Variants in DLGAP2 observed in about 807,000 individuals in gnomAD.
The protein encoded by DLGAP2 is disks large-associated protein 2.
A neutral mutation model predicts 100.3 loss-of-function variants in DLGAP2; 26 were observed. That is an observed-to-expected ratio of 0.26 (90% CI 0.19 to 0.36). The LOEUF is 0.36. Among genes scored for constraint, DLGAP2 ranks in the 10% least tolerant of loss-of-function variants. DLGAP2 has a pLI of 1.00. For missense variants in DLGAP2, 1,858 were observed against 1,453.2 expected, an observed-to-expected ratio of 1.28 and a Z score of -4.53; for synonymous variants, 886 against 630.1, an observed-to-expected ratio of 1.41 and a Z score of -6.08.
intron 11 of DLGAP2, among the ~76,000 whole-genome samples, chr8:1,677,293 C>T (rs1207555841): frequency 1.3e-5 from 2 of 152,172 alleles, no homozygotes; most frequent in African/African-American, 2.4e-5. Context: ...CTTATGGCTT[C>T]CCCAGTTTCC....
rs1489532449 is a variant in DLGAP2, at chr8:854,857, A to C, written c.19-53055A>C. Among the ~76,000 whole-genome samples the C allele has an allele frequency of 2.0e-5, 3 of 152,234 alleles. 1 individual carries two copies. In the South Asian group the frequency reaches 6.2e-4, roughly 31 times the overall value. On this transcript the variant is annotated intron_variant, in intron 1 of 14. Coordinates refer to ENST00000637795, the MANE Select transcript of DLGAP2 (RefSeq NM_001346810.2). ...ATGAAGCTCTGGAGAAAAGCTTCCC[A>C]CATGGGAAATGCTCCCACAGGTATC...
intron 2 of DLGAP2, among the ~76,000 whole-genome samples, chr8:1,200,851 C>T (rs931572241): frequency 1.3e-5 from 2 of 152,246 alleles, no homozygotes; most frequent in South Asian, 4.1e-4. Flanking sequence ...TCCCACATAT[C>T]GGTTTGGCAT....
intron 2 of DLGAP2, among the ~76,000 whole-genome samples, chr8:974,032 A>G (rs1249892168): frequency 6.6e-6 from 1 of 152,144 alleles, no homozygotes; most frequent in Admixed American, 6.5e-5. Context: ...GGAGAAATAC[A>G]AAAGAAGTAA....
chr8:897,933 C>T (rs1453518229), intron 1 of DLGAP2, among the ~76,000 whole-genome samples: 1 of 152,164 alleles, frequency 6.6e-6, no homozygotes, highest in Non-Finnish European at 1.5e-5. Flanking sequence ...GCTGTGTTCC[C>T]TCCGTTGCTG....
chr8:1,583,244 C>T (rs184000154), intron 6 of DLGAP2, among the ~76,000 whole-genome samples: 1 of 152,214 alleles, frequency 6.6e-6, no homozygotes, highest in African/African-American at 2.4e-5. Context: ...TTCTCCCTCC[C>T]ATCTGCCATG....
At chr8:1,185,934 C>A (rs929066609) in intron 2 of DLGAP2, among the ~76,000 whole-genome samples, 1 of 152,144 alleles carries the variant, frequency 6.6e-6, no homozygotes, top group African/African-American at 2.4e-5. Flanking sequence ...CTTCTCGCCT[C>A]GGAGTTCCAT....
chr8:1,566,002 T>A, intron 6 of DLGAP2, 108 bp downstream of exon 6: 1 of 953,416 alleles, frequency 1.0e-6, no homozygotes, highest in Non-Finnish European at 1.5e-6. Context: ...TTAAACTAAA[T>A]TGCCAAGCTG....
intron 2 of DLGAP2, among the ~76,000 whole-genome samples, chr8:1,187,493 C>T (rs776978229): frequency 2.9e-5 from 4 of 136,934 alleles, no homozygotes; most frequent in Admixed American, 7.0e-5. Flanking sequence ...GAATCTCACA[C>T]ACCCGGGACC....
At chr8:1,669,709 G>T in intron 9 of DLGAP2, 34 bp from the exon 10 acceptor site, 1 of 780,886 alleles carries the variant, frequency 1.3e-6, no homozygotes, top group Non-Finnish European at 2.4e-6. Context: ...CTCCGAACCA[G>T]GTCTCCACAC....
At chr8:1,614,090 G>T (rs1262301934) in intron 6 of DLGAP2, among the ~76,000 whole-genome samples, 1 of 152,194 alleles carries the variant, frequency 6.6e-6, no homozygotes, top group East Asian at 1.9e-4. Context: ...TTCACTGCAA[G>T]TGTATGCCCT....
chr8:1,036,491 G>T (rs1200213972), intron 2 of DLGAP2, among the ~76,000 whole-genome samples: 1 of 152,224 alleles, frequency 6.6e-6, no homozygotes. Context: ...CGTGGGGACG[G>T]TCGGGGGAGG....
chr8:957,282 C>T (rs1164745277), intron 2 of DLGAP2, among the ~76,000 whole-genome samples: 1 of 152,232 alleles, frequency 6.6e-6, no homozygotes, highest in African/African-American at 2.4e-5. Flanking sequence ...TTCCCCATGG[C>T]ACCACGGATG....
chr8:1,050,659 C>T (rs140338780), intron 2 of DLGAP2, among the ~76,000 whole-genome samples: 1 of 152,322 alleles, frequency 6.6e-6, no homozygotes, highest in Non-Finnish European at 1.5e-5. Context: ...ATTCTTCCAA[C>T]CCAGTCTCCT....
At chr8:1,411,580 C>A (rs1218031110) in intron 3 of DLGAP2, among the ~76,000 whole-genome samples, 1 of 152,178 alleles carries the variant, frequency 6.6e-6, no homozygotes, top group African/African-American at 2.4e-5. Context: ...AACCGAAATG[C>A]GGAACCTGCA....
At chr8:1,696,718 C>T (rs569106382) in intron 13 of DLGAP2, among the ~76,000 whole-genome samples, 68 of 152,270 alleles carry the variant, frequency 4.5e-4, no homozygotes, top group South Asian at 3.5e-3. Context: ...AGCTAAGAGC[C>T]GTCAGAGAAC....
In DLGAP2 at chr8:1,695,174, G is replaced by A. The variant is rs552882979; in HGVS notation, c.2797-1973G>A. On this transcript the variant is annotated intron_variant, in intron 13 of 14. Transcript: ENST00000637795. Reference sequence around the variant, plus strand: ...CGGGCGAGGGAGGAGAAGCCACTCCGCTTCCCCCACACCATCAGGCACAGC... The same window carrying A: ...CGGGCGAGGGAGGAGAAGCCACTCCACTTCCCCCACACCATCAGGCACAGC... 3.9e-5 allele frequency among the ~76,000 whole-genome samples: 6 copies of A among 152,342 alleles called. No homozygotes were observed. The South Asian group carries it at 1.0e-3, about 26-fold the overall frequency.
intron 2 of DLGAP2, among the ~76,000 whole-genome samples, chr8:1,139,134 T>C (rs1796476465): frequency 6.6e-6 from 1 of 152,182 alleles, no homozygotes; most frequent in Non-Finnish European, 1.5e-5. Context: ...TGCCGGCCGC[T>C]GCGGCCTGGC....
At chr8:965,793 C>T (rs538536401) in intron 2 of DLGAP2, among the ~76,000 whole-genome samples, 1 of 149,294 alleles carries the variant, frequency 6.7e-6, no homozygotes, top group Non-Finnish European at 1.5e-5. Context: ...GTTCACCACA[C>T]AGGGCTCCTG....
intron 3 of DLGAP2, among the ~76,000 whole-genome samples, chr8:1,264,777 C>G (rs1799419138): frequency 6.6e-6 from 1 of 152,110 alleles, no homozygotes; most frequent in South Asian, 2.1e-4. Flanking sequence ...GTGTCCCCAC[C>G]CAAATCTCAT....
Sources: gnomAD v4.1 joint callset for allele counts (sites outside exome capture counted in the v4.1 genomes callset) on GRCh38, gnomAD v4.1.1 for gene constraint, MANE v1.5 for transcripts, NCBI Gene and HGNC (gene_info 2026-07-23, HGNC 2026-07-21) for gene names.